The following OR10H4 variants were observed in gnomAD, a reference collection of about 807,000 sequenced individuals.
OR10H4 encodes the protein olfactory receptor family 10 subfamily H member 4, also known as olfactory receptor 10H4.
A neutral mutation model predicts 10.5 loss-of-function variants in OR10H4; 10 were observed. The observed-to-expected ratio is 0.95, with a 90% CI of 0.59 to 1.62. The LOEUF is 1.62. Ranked by LOEUF, OR10H4 falls within the 40% of genes most tolerant of loss-of-function variation. OR10H4 has a pLI of 0.00. For synonymous variants in OR10H4, 160 were observed against 149.4 expected (o/e 1.07, Z -0.52); for missense variants, 397 against 391.5 (o/e 1.01, Z -0.12).
rs768599148 is a variant in OR10H4, at chr19:15,949,606, G to A, written c.599G>A (p.Gly200Asp). The change falls in exon 1 of 1, where the codon GGT (glycine) becomes GAT (aspartate). Residue 200 changes from glycine (G) to aspartate (D), a missense_variant. Coordinates refer to ENST00000322107, the MANE Select transcript of OR10H4 (RefSeq NM_001004465.1). ...AACAAGACATCATCTGTCATCATGGGTGTGATGCTGGTGTGTGTCACAGCC... is the reference window on the plus strand; with the variant it reads ...AACAAGACATCATCTGTCATCATGGATGTGATGCTGGTGTGTGTCACAGCC... ...CENKTSSVIMGVMLVCVTALI... is the reference protein window; with the variant it reads ...CENKTSSVIMDVMLVCVTALI... 2.5e-6 allele frequency: 4 copies of A among 1,614,180 alleles called. No homozygotes were observed. The highest frequency in any genetic ancestry group is 1.1e-5 in the South Asian group (1 of 91,082).
Position 15,949,598 on chromosome 19 carries a change from C to T in OR10H4, c.591C>T (p.Val197=), listed in dbSNP as rs565552384. 5.0e-6 allele frequency: 8 copies of T among 1,614,230 alleles called. No homozygotes were observed. The Admixed American group carries it at 1.0e-4, about 20-fold the overall frequency. Residue 197 remains valine (V), a synonymous_variant, in exon 1 of 1, where the codon GTC becomes GTT. Coordinates refer to ENST00000322107, the MANE Select transcript of OR10H4 (RefSeq NM_001004465.1). The part of the protein sequence containing the change: ...KLACENKTSS[V]IMGVMLVCVT... ...CCTGTGAAAACAAGACATCATCTGT[C>T]ATCATGGGTGTGATGCTGGTGTGTG...
At position 15,949,734 on chromosome 19, in the gene OR10H4, T is replaced by C. The variant is rs763555597; in HGVS notation, c.727T>C (p.Cys243Arg). Residue 243 changes from cysteine (C) to arginine (R), a missense_variant, in exon 1 of 1, where the codon TGT (cysteine) becomes CGT (arginine). By Grantham distance (180) the Cys-to-Arg change is radical. Transcript: ENST00000322107. ...AEGRHKTFST[C>R]VSHLTVVVTH... ...AGGCCGGCACAAGACATTTTCTACG[T>C]GTGTATCCCACCTCACTGTGGTGGT... 3 of 1,614,222 alleles carry C rather than the reference T, an allele frequency of 1.9e-6. No individual in the cohort carries two copies. Among genetic ancestry groups the C allele is most frequent in the Middle Eastern group, 1.6e-4 (1 of 6,062 alleles).
At position 15,949,573 on chromosome 19, in the gene OR10H4, C is replaced by T; in HGVS notation, c.566C>T (p.Ala189Val). Residue 189 changes from alanine (A) to valine (V), a missense_variant, in exon 1 of 1, where the codon GCC becomes GTC. Ala to Val is a moderately conservative substitution (Grantham distance 64). Transcript: ENST00000322107. ...FCHVLSLLKL[A>V]CENKTSSVIM... ...CATGTGCTTTCCCTCTTGAAGTTGG[C>T]CTGTGAAAACAAGACATCATCTGTC... The T allele has an allele frequency of 2.5e-6, 4 of 1,614,148 alleles. No homozygotes were observed. Among genetic ancestry groups the T allele is most frequent in the Non-Finnish European group, 3.4e-6 (4 of 1,180,034 alleles).
In OR10H4 at chr19:15,949,316, C is replaced by T; in HGVS notation, c.309C>T (p.Phe103=). ...ITFVACANQM[F]FSFMFGFTHS... is the part of the protein sequence containing the mutation. ...TTGTGGCTTGTGCCAACCAGATGTT[C>T]TTCTCCTTCATGTTTGGCTTCACTC... Residue 103 remains phenylalanine, a synonymous_variant, in exon 1 of 1, where the codon TTC becomes TTT. Transcript: ENST00000322107. 1 of 1,614,180 alleles carries T rather than the reference C, an allele frequency of 6.2e-7. No homozygotes were observed. The highest frequency in any genetic ancestry group is 1.7e-5 in the Admixed American group (1 of 60,022).
Position 15,949,031 on chromosome 19 carries a change from C to T in OR10H4, c.24C>T (p.Ile8=), listed in dbSNP as rs757079842. Residue 8 remains isoleucine (I), a synonymous_variant, in exon 1 of 1, where the codon ATC becomes ATT. Coordinates refer to ENST00000322107, the MANE Select transcript of OR10H4 (RefSeq NM_001004465.1). ...CCATGCCTAGTCAGAACTATAGCAT[C>T]ATATCTGAATTTAACCTCTTTGGCT... MPSQNYS[I]ISEFNLFGFS... is the part of the protein sequence containing the mutation. The T allele has an allele frequency of 6.2e-6, 10 of 1,611,782 alleles. No individual in the cohort carries two copies. The East Asian group carries it at 6.7e-5, about 11-fold the overall frequency.
In OR10H4 at chr19:15,949,605, G is replaced by T; in HGVS notation, c.598G>T (p.Gly200Cys). 1 of 1,614,166 alleles carries T rather than the reference G, an allele frequency of 6.2e-7. No homozygotes were observed. Among genetic ancestry groups the T allele is most frequent in the Admixed American group, 1.7e-5 (1 of 60,032 alleles). The change falls in exon 1 of 1, where the codon GGT becomes TGT. Residue 200 changes from glycine to cysteine, a missense_variant. Physicochemically the swap from Gly to Cys is radical, Grantham distance 159. Coordinates refer to ENST00000322107, the MANE Select transcript of OR10H4 (RefSeq NM_001004465.1). Reference sequence around the variant, plus strand: ...AAACAAGACATCATCTGTCATCATGGGTGTGATGCTGGTGTGTGTCACAGC... The same window carrying T: ...AAACAAGACATCATCTGTCATCATGTGTGTGATGCTGGTGTGTGTCACAGC... ...CENKTSSVIM[G>C]VMLVCVTALI...
chr19:15,949,871 C>A lies in OR10H4; in HGVS notation c.864C>A (p.Ser288Arg). Residue 288 changes from serine (S) to arginine (R), a missense_variant, in exon 1 of 1, where the codon AGC becomes AGA. Transcript: ENST00000322107. ...TTYTVFTPFLSPIIFSLRNKE... is the reference protein window; with the variant it reads ...TTYTVFTPFLRPIIFSLRNKE... The stretch of plus-strand genomic sequence containing the variant: ...ATACTGTCTTCACCCCCTTCCTTAG[C>A]CCAATCATTTTCAGCCTAAGGAACA... 6.2e-7 allele frequency: 1 copy of A among 1,614,034 alleles called. No homozygotes were observed. Among genetic ancestry groups the A allele is most frequent in the Non-Finnish European group, 8.5e-7 (1 of 1,180,014 alleles).
In OR10H4 at chr19:15,949,407, A is replaced by G; in HGVS notation, c.400A>G (p.Asn134Asp). Residue 134 changes from asparagine to aspartate, a missense_variant, in exon 1 of 1, where the codon AAT becomes GAT. By Grantham distance (23) the Asn-to-Asp change is conservative (BLOSUM62 1). Coordinates refer to ENST00000322107, the MANE Select transcript of OR10H4 (RefSeq NM_001004465.1). ...GGCCATCTGCCACCCACTGCGTTAC[A>G]ATGTGCTCATGAGCCCCCGTGACTG... ...YVAICHPLRY[N>D]VLMSPRDCAH... 6.2e-7 allele frequency: 1 copy of G among 1,614,118 alleles called. No homozygotes were observed. Among genetic ancestry groups the G allele is most frequent in the Non-Finnish European group, 8.5e-7 (1 of 1,180,016 alleles).
Position 15,949,212 on chromosome 19 carries a change from G to T in OR10H4, c.205G>T (p.Val69Phe), listed in dbSNP as rs142382997. The change falls in exon 1 of 1, where the codon GTC becomes TTC. Residue 69 changes from valine to phenylalanine, a missense_variant. Coordinates refer to ENST00000322107, the MANE Select transcript of OR10H4 (RefSeq NM_001004465.1). ...PMYLFLCTLSVSEILFTVAIT... is the reference protein window; with the variant it reads ...PMYLFLCTLSFSEILFTVAIT... ...GTACCTCTTCTTGTGCACCCTCTCCGTCTCTGAGATTCTGTTCACTGTTGC... is the reference window on the plus strand; with the variant it reads ...GTACCTCTTCTTGTGCACCCTCTCCTTCTCTGAGATTCTGTTCACTGTTGC... The T allele has an allele frequency of 1.2e-6, 2 of 1,614,094 alleles. No individual in the cohort carries two copies. The highest frequency in any genetic ancestry group is 1.1e-5 in the South Asian group (1 of 91,076).
chr19:15,949,186 T>C lies in OR10H4; in HGVS notation c.179T>C (p.Met60Thr). ...IWIEHRLHTP[M>T]YLFLCTLSVS... ...ATTGAACACAGACTCCACACACCCA[T>C]GTACCTCTTCTTGTGCACCCTCTCC... is the stretch of plus-strand genomic sequence containing the variant. The change falls in exon 1 of 1, where the codon ATG (methionine) becomes ACG (threonine). Residue 60 changes from methionine (M) to threonine (T), a missense_variant. Coordinates refer to ENST00000322107, the MANE Select transcript of OR10H4 (RefSeq NM_001004465.1). The C allele has an allele frequency of 6.2e-7, 1 of 1,614,196 alleles. No homozygotes were observed. The highest frequency in any genetic ancestry group is 8.5e-7 in the Non-Finnish European group (1 of 1,180,030).
chr19:15,949,917 A>G lies in OR10H4; in HGVS notation c.910A>G (p.Asn304Asp). ...LRNKELKNAI[N>D]KNFYRKFCPP... ...GAACAAGGAGCTGAAGAATGCCATA[A>G]ATAAAAACTTTTACAGAAAATTCTG... The change falls in exon 1 of 1, where the codon AAT becomes GAT. Residue 304 changes from asparagine to aspartate, a missense_variant. Coordinates refer to ENST00000322107, the MANE Select transcript of OR10H4 (RefSeq NM_001004465.1). The G allele has an allele frequency of 6.2e-7, 1 of 1,606,278 alleles. No homozygotes were observed. Among genetic ancestry groups the G allele is most frequent in the Non-Finnish European group, 8.5e-7 (1 of 1,177,778 alleles).
At position 15,949,743 on chromosome 19, in the gene OR10H4, C is replaced by T; in HGVS notation, c.736C>T (p.His246Tyr). 1 of 1,614,174 alleles carries T rather than the reference C, an allele frequency of 6.2e-7. No homozygotes were observed. Among genetic ancestry groups the T allele is most frequent in the Admixed American group, 1.7e-5 (1 of 60,016 alleles). Residue 246 changes from histidine to tyrosine, a missense_variant, in exon 1 of 1, where the codon CAC becomes TAC. Coordinates refer to ENST00000322107, the MANE Select transcript of OR10H4 (RefSeq NM_001004465.1). ...CAAGACATTTTCTACGTGTGTATCC[C>T]ACCTCACTGTGGTGGTCACGCACTA... ...RHKTFSTCVS[H>Y]LTVVVTHYSF...
In OR10H4 at chr19:15,949,033, T is replaced by G. The variant is rs1173078480; in HGVS notation, c.26T>G (p.Ile9Arg). 1 of 1,612,134 alleles carries G rather than the reference T, an allele frequency of 6.2e-7. No individual in the cohort carries two copies. The highest frequency in any genetic ancestry group is 1.3e-5 in the African/African-American group (1 of 74,906). MPSQNYSI[I>R]SEFNLFGFSA... ...ATGCCTAGTCAGAACTATAGCATCA[T>G]ATCTGAATTTAACCTCTTTGGCTTC... The change falls in exon 1 of 1, where the codon ATA (isoleucine) becomes AGA (arginine). Residue 9 changes from isoleucine to arginine, a missense_variant. Ile to Arg is a moderately conservative substitution (Grantham distance 97, BLOSUM62 -3). Coordinates refer to ENST00000322107, the MANE Select transcript of OR10H4 (RefSeq NM_001004465.1).
At position 15,949,319 on chromosome 19, in the gene OR10H4, C is replaced by T. The variant is rs752466845; in HGVS notation, c.312C>T (p.Phe104=). ...TFVACANQMF[F]SFMFGFTHSF... ...TGGCTTGTGCCAACCAGATGTTCTT[C>T]TCCTTCATGTTTGGCTTCACTCACT... The change falls in exon 1 of 1, where the codon TTC becomes TTT. Residue 104 remains phenylalanine, a synonymous_variant. Coordinates refer to ENST00000322107, the MANE Select transcript of OR10H4 (RefSeq NM_001004465.1). 20 of 1,614,092 alleles carry T rather than the reference C, an allele frequency of 1.2e-5. No homozygotes were observed. Among genetic ancestry groups the T allele is most frequent in the Non-Finnish European group, 1.6e-5 (19 of 1,180,030 alleles).
Position 15,949,749 on chromosome 19 carries a change from A to T in OR10H4, c.742A>T (p.Thr248Ser). ...ATTTTCTACGTGTGTATCCCACCTC[A>T]CTGTGGTGGTCACGCACTATAGTTT... Reference protein sequence around the residue: ...KTFSTCVSHLTVVVTHYSFAS... With the variant: ...KTFSTCVSHLSVVVTHYSFAS... The change falls in exon 1 of 1, where the codon ACT (threonine) becomes TCT (serine). Residue 248 changes from threonine to serine, a missense_variant. Physicochemically the swap from Thr to Ser is moderately conservative, Grantham distance 58 (BLOSUM62 1). Coordinates refer to ENST00000322107, the MANE Select transcript of OR10H4 (RefSeq NM_001004465.1). 1.2e-6 allele frequency: 2 copies of T among 1,614,084 alleles called. No individual in the cohort carries two copies. Among genetic ancestry groups the T allele is most frequent in the Non-Finnish European group, 8.5e-7 (1 of 1,180,004 alleles).
chr19:15,949,345 CCTTCCTT>C lies in OR10H4; in HGVS notation c.341_347del (p.Phe114SerfsTer22). 1.9e-6 allele frequency: 3 copies of C among 1,614,222 alleles called. No individual in the cohort carries two copies. Among genetic ancestry groups the C allele is most frequent in the Non-Finnish European group, 1.7e-6 (2 of 1,180,048 alleles). ...TCCTTCATGTTTGGCTTCACTCACT[CCTTCCTT>C]CTCCTGGTCATGGGCTATGATCGCT... is the stretch of plus-strand genomic sequence containing the variant. On this transcript the variant is annotated frameshift_variant, in exon 1 of 1. Coordinates refer to ENST00000322107, the MANE Select transcript of OR10H4 (RefSeq NM_001004465.1). LOFTEE classifies it high-confidence loss of function.
At position 15,949,765 on chromosome 19, in the gene OR10H4, A is replaced by C. The variant is rs112025189; in HGVS notation, c.758A>C (p.His253Pro). ...TCCCACCTCACTGTGGTGGTCACGC[A>C]CTATAGTTTTGCCTCCTTTATCTAC... ...CVSHLTVVVT[H>P]YSFASFIYLK... The change falls in exon 1 of 1, where the codon CAC becomes CCC. Residue 253 changes from histidine to proline, a missense_variant. Physicochemically the swap from His to Pro is moderately conservative, Grantham distance 77. Coordinates refer to ENST00000322107, the MANE Select transcript of OR10H4 (RefSeq NM_001004465.1). 7.4e-5 allele frequency: 120 copies of C among 1,614,144 alleles called. No individual in the cohort carries two copies. In the East Asian group the frequency reaches 9.8e-4, roughly 13 times the overall value.
In OR10H4 at chr19:15,949,273, C is replaced by T; in HGVS notation, c.266C>T (p.Thr89Ile). The part of the protein sequence containing the change: ...TPRMLADLLS[T>I]HHSITFVACA... ...CGCATGCTGGCTGATCTGCTTTCCA[C>T]CCATCATTCCATCACCTTTGTGGCT... The change falls in exon 1 of 1, where the codon ACC becomes ATC. Residue 89 changes from threonine (T) to isoleucine (I), a missense_variant. Coordinates refer to ENST00000322107, the MANE Select transcript of OR10H4 (RefSeq NM_001004465.1). The T allele has an allele frequency of 6.2e-7, 1 of 1,614,246 alleles. No individual in the cohort carries two copies. The highest frequency in any genetic ancestry group is 8.5e-7 in the Non-Finnish European group (1 of 1,180,044).
Position 15,949,487 on chromosome 19 carries a change from G to A in OR10H4, c.480G>A (p.Val160=), listed in dbSNP as rs774844646. ...GTGGCTCAGTCATGGGGATGATGGT[G>A]ACAACGATAGTTTTCCACCTCACTT... ...WAGGSVMGMM[V]TTIVFHLTFC... is the part of the protein sequence containing the mutation. The change falls in exon 1 of 1, where the codon GTG becomes GTA. Residue 160 remains valine (V), a synonymous_variant. Coordinates refer to ENST00000322107, the MANE Select transcript of OR10H4 (RefSeq NM_001004465.1). 7 of 1,614,212 alleles carry A rather than the reference G, an allele frequency of 4.3e-6. No homozygotes were observed. Among genetic ancestry groups the A allele is most frequent in the Non-Finnish European group, 5.9e-6 (7 of 1,180,042 alleles).
Sources: allele counts gnomAD v4.1 joint callset, GRCh38; gene constraint gnomAD v4.1.1; transcripts MANE v1.5; gene names NCBI Gene and HGNC (gene_info 2026-07-23, HGNC 2026-07-21).